The following SYNE2 variants were observed in gnomAD, a reference collection of about 807,000 sequenced individuals.
SYNE2 encodes spectrin repeat containing nuclear envelope protein 2, also known as nesprin-2.
SYNE2 carries 431 observed loss-of-function variants against 856.3 expected under a neutral mutation model. The observed-to-expected ratio is 0.50, with a 90% CI of 0.47 to 0.55. The LOEUF (loss-of-function observed/expected upper bound fraction) is 0.55, where lower values mean the gene tolerates loss of function less well. Among genes scored for constraint, SYNE2 ranks in the 20% least tolerant of loss-of-function variants. The pLI is 0.00. For missense variants in SYNE2, 8,129 were observed against 8,023.2 expected (o/e 1.01, Z -0.50); for synonymous variants, 2,923 against 2,872.3 (o/e 1.02, Z -0.56).
chr14:63,986,497 G>A lies in SYNE2; in HGVS notation c.2193G>A (p.Gly731=). ...KHEKENEEFT[G]QLKVAKDVEK... is the part of the protein sequence containing the mutation. ...AAAAAGAAAATGAAGAATTCACAGG[G>A]CAACTAAAAGTGGCTAAAGATGTTG... Residue 731 remains glycine, a synonymous_variant, in exon 19 of 116, where the codon GGG becomes GGA. Coordinates refer to ENST00000555002, the MANE Select transcript of SYNE2 (RefSeq NM_182914.3). 1 of 1,614,134 alleles carries A rather than the reference G, an allele frequency of 6.2e-7. No individual in the cohort carries two copies. Among genetic ancestry groups the A allele is most frequent in the African/African-American group, 1.3e-5 (1 of 75,036 alleles).
chr14:63,987,286 T>G (rs1310370823), intron 19 of SYNE2, among the ~76,000 whole-genome samples: 1 of 151,950 alleles, frequency 6.6e-6, no homozygotes, highest in African/African-American at 2.4e-5. Context: ...ATACAATCTA[T>G]GCTTTGAAAG....
chr14:63,804,452 A>C (rs892707131), intron 1 of SYNE2, among the ~76,000 whole-genome samples: 4 of 152,028 alleles, frequency 2.6e-5, no homozygotes, highest in African/African-American at 9.7e-5. Context: ...CTATATCCAG[A>C]ATGGTATTTC....
Position 64,225,322 on chromosome 14 carries a change from C to A in SYNE2, c.20520C>A (p.Val6840=). 6.2e-7 allele frequency: 1 copy of A among 1,614,032 alleles called. No homozygotes were observed. The highest frequency in any genetic ancestry group is 8.5e-7 in the Non-Finnish European group (1 of 1,180,016). Residue 6840 remains valine (V), a synonymous_variant, in exon 116 of 116, where the codon GTC becomes GTA. Coordinates refer to ENST00000555002, the MANE Select transcript of SYNE2 (RefSeq NM_182914.3). ...TCTCAACCTCCTCTGTTGGCAGGGTCCCCGGCAGCACACGGCCACAGCGCT... is the reference window on the plus strand; with the variant it reads ...TCTCAACCTCCTCTGTTGGCAGGGTACCCGGCAGCACACGGCCACAGCGCT... ...TEGEEETESR[V]PGSTRPQRSF...
chr14:63,830,957 C>G (rs1889646405), intron 1 of SYNE2, among the ~76,000 whole-genome samples: 1 of 147,952 alleles, frequency 6.8e-6, no homozygotes, highest in Non-Finnish European at 1.5e-5. Context: ...TCTCTTTCTT[C>G]AGCCTCCCGA....
At chr14:64,166,770 TA>T (rs2098381932) in intron 90 of SYNE2, 1 of 223,000 alleles carries the variant, frequency 4.5e-6, no homozygotes, top group East Asian at 1.2e-4. Context: ...ATGGTGAAAC[TA>T]AAAATACAAA....
rs1241779311 is a variant in SYNE2, at chr14:63,790,527, G to GA, written c.-305+28547dup. On this transcript the variant is annotated intron_variant, in intron 1 of 23. Coordinates refer to the SYNE2 transcript ENST00000674003. ...AGAATACCTTTTACTTTTGTAATCA[G>GA]AAAAAACAATACAGCTGTCTCCATT... is the stretch of plus-strand genomic sequence containing the variant. Among the ~76,000 whole-genome samples the GA allele has an allele frequency of 2.6e-5, 4 of 151,988 alleles. 1 individual carries two copies. The South Asian group carries it at 6.2e-4, about 24-fold the overall frequency.
intron 1 of SYNE2, among the ~76,000 whole-genome samples, chr14:63,820,184 T>C (rs1302857015): frequency 6.6e-6 from 1 of 152,160 alleles, no homozygotes; most frequent in African/African-American, 2.4e-5. Flanking sequence ...TTAAGATTCA[T>C]TACAAATTCA....
intron 78 of SYNE2, among the ~76,000 whole-genome samples, chr14:64,135,479 G>C (rs1190512989): frequency 1.3e-5 from 2 of 150,780 alleles, no homozygotes; most frequent in African/African-American, 4.9e-5. Context: ...AGGTAAATCT[G>C]AGTCCTCTGG....
In SYNE2 at chr14:63,977,940, T is replaced by C; in HGVS notation, c.1329T>C (p.Ile443=). The C allele has an allele frequency of 6.2e-7, 1 of 1,613,924 alleles. No individual in the cohort carries two copies. The highest frequency in any genetic ancestry group is 8.5e-7 in the Non-Finnish European group (1 of 1,179,834). ...LMDRFEHHSN[I]LLTFENKDEN... is the part of the protein sequence containing the mutation. The stretch of plus-strand genomic sequence containing the variant: ...ATAGATTTGAGCATCATTCGAACAT[T>C]CTCCTTACCTTTGAAAATAAGGATG... Residue 443 remains isoleucine, a synonymous_variant, in exon 13 of 116, where the codon ATT becomes ATC. Transcript: ENST00000555002.
chr14:63,970,735 C>T (rs771276028), intron 11 of SYNE2, among the ~76,000 whole-genome samples: 4 of 143,030 alleles, frequency 2.8e-5, no homozygotes, highest in Admixed American at 7.5e-5. Context: ...CTCATTACAA[C>T]CTCTGCCTCC....
At chr14:63,966,960 G>A (rs1021348818) in intron 10 of SYNE2, among the ~76,000 whole-genome samples, 3 of 151,960 alleles carry the variant, frequency 2.0e-5, no homozygotes, top group African/African-American at 7.2e-5. Context: ...CTGCCTCCCT[G>A]GTTCAAGCGA....
intron 1 of SYNE2, among the ~76,000 whole-genome samples, chr14:63,858,018 A>G (rs1209585988): frequency 1.3e-5 from 2 of 152,184 alleles, no homozygotes; most frequent in African/African-American, 4.8e-5. Context: ...ATGGGGCGAC[A>G]TCTGGTGAGA....
chr14:63,838,268 G>A (rs57010514), intron 1 of SYNE2, among the ~76,000 whole-genome samples: 8,477 of 152,098 alleles, frequency 0.056, 260 homozygotes, highest in Middle Eastern at 0.099. Flanking sequence ...ACTCTGGGAG[G>A]TGGAGGTTGT....
At chr14:64,105,408 A>G (rs1016155635) in intron 64 of SYNE2, among the ~76,000 whole-genome samples, 3 of 152,176 alleles carry the variant, frequency 2.0e-5, no homozygotes, top group African/African-American at 7.2e-5. Flanking sequence ...GATAACAGTC[A>G]CTGTTTTCAG....
chr14:64,081,948 C>T (rs1250888558), intron 57 of SYNE2, among the ~76,000 whole-genome samples: 3 of 151,780 alleles, frequency 2.0e-5, no homozygotes, highest in Non-Finnish European at 2.9e-5. Context: ...TAGCTGGGCA[C>T]GGTGGCGGGC....
At chr14:64,015,909 A>G (rs1282302396) in intron 32 of SYNE2, among the ~76,000 whole-genome samples, 1 of 152,036 alleles carries the variant, frequency 6.6e-6, no homozygotes, top group Non-Finnish European at 1.5e-5. Flanking sequence ...TGTATTTAAA[A>G]ATTTCTCTTG....
At chr14:63,948,660 C>CA (rs201591163) in intron 6 of SYNE2, among the ~76,000 whole-genome samples, 53,057 of 98,416 alleles carry the variant, frequency 0.54, 14,675 homozygotes, top group South Asian at 0.61. Context: ...GACTCCATCT[C>CA]AAAAAAAAAA....
chr14:63,874,587 A>C (rs915933335), intron 1 of SYNE2, among the ~76,000 whole-genome samples: 6 of 152,230 alleles, frequency 3.9e-5, no homozygotes, highest in Admixed American at 6.5e-5. Context: ...TTTAGAGTTA[A>C]GAATGTTGTT....
chr14:63,961,771 A>T (rs1006935020), intron 9 of SYNE2, 146 bp downstream of exon 9: 8 of 694,508 alleles, frequency 1.2e-5, no homozygotes, highest in Non-Finnish European at 1.8e-5. Context: ...TTCAATCATG[A>T]TGTAAAACAT....
Sources: allele counts gnomAD v4.1 joint callset (sites outside exome capture counted in the v4.1 genomes callset), GRCh38; gene constraint gnomAD v4.1.1; transcripts MANE v1.5; gene names NCBI Gene and HGNC (gene_info 2026-07-23, HGNC 2026-07-21).